CIMAP2: variants seen among roughly 807,000 people sequenced by gnomAD.
CIMAP2 encodes the protein ciliary microtubule-associated protein 2.
At chr1:54,807,857 A>C in the CIMAP2 span, 2 of 1,545,358 alleles carry the variant, frequency 1.3e-6, no homozygotes, top group Non-Finnish European at 1.7e-6. Flanking sequence ...CCCAAGTTTA[A>C]GGCTTTCATT....
At chr1:54,838,937 G>GT in the CIMAP2 span, among the ~76,000 whole-genome samples, 3 of 152,014 alleles carry the variant, frequency 2.0e-5, no homozygotes, top group African/African-American at 4.8e-5. Flanking sequence ...GCAGGGATTG[G>GT]GGGGAGTAGA....
chr1:54,811,768 T>TTCATGCCCCCCCCCCCCCCC, the CIMAP2 span: 2 of 533,354 alleles, frequency 3.7e-6, no homozygotes, highest in South Asian at 2.9e-5. Flanking sequence ...TCTGACAGCC[T>TTCATGCCCCCCCCCCCCCCC]CCATGCCCCC....
chr1:54,811,430 G>A, the CIMAP2 span, among the ~76,000 whole-genome samples: 3 of 152,146 alleles, frequency 2.0e-5, no homozygotes, highest in East Asian at 3.9e-4. Context: ...GGGCATTCCC[G>A]GTGGTGGTTA....
chr1:54,841,983 A>G, the CIMAP2 span: 1 of 1,149,184 alleles, frequency 8.7e-7, no homozygotes, highest in Non-Finnish European at 1.3e-6. Context: ...GAAAGGACAC[A>G]TGGGCTTGGG....
At chr1:54,832,437 A>G in the CIMAP2 span, among the ~76,000 whole-genome samples, 1 of 152,238 alleles carries the variant, frequency 6.6e-6, no homozygotes, top group Non-Finnish European at 1.5e-5. Flanking sequence ...AGAAGTTAAC[A>G]CAAAAGGATA....
At chr1:54,806,203 C>G in the CIMAP2 span, 1 of 1,542,396 alleles carries the variant, frequency 6.5e-7, no homozygotes, top group Non-Finnish European at 8.7e-7. Flanking sequence ...GGGCGCCCTT[C>G]GGGGTGCAGA....
the CIMAP2 span, chr1:54,815,036 C>G: frequency 6.2e-7 from 1 of 1,614,080 alleles, no homozygotes; most frequent in Non-Finnish European, 8.5e-7. Flanking sequence ...TTATGGGAAG[C>G]TGGGTAAGTG....
chr1:54,818,121 C>T, the CIMAP2 span, among the ~76,000 whole-genome samples: 1 of 152,222 alleles, frequency 6.6e-6, no homozygotes, highest in Non-Finnish European at 1.5e-5. Flanking sequence ...ATGTGACCTG[C>T]ATTTCCTTCC....
chr1:54,824,533 T>C, the CIMAP2 span, among the ~76,000 whole-genome samples: 5 of 152,198 alleles, frequency 3.3e-5, no homozygotes, highest in African/African-American at 9.6e-5. Flanking sequence ...TTTTATTCCA[T>C]TGTGGTGTTC....
At chr1:54,821,657 A>T in the CIMAP2 span, among the ~76,000 whole-genome samples, 5 of 151,956 alleles carry the variant, frequency 3.3e-5, no homozygotes, top group African/African-American at 1.2e-4. Flanking sequence ...TTTGGCAGCT[A>T]TTGTAAATGG....
the CIMAP2 span, among the ~76,000 whole-genome samples, chr1:54,810,744 C>T: frequency 2.6e-5 from 4 of 152,216 alleles, no homozygotes; most frequent in South Asian, 2.1e-4. Context: ...TACAAAATCA[C>T]GCTTCTGACC....
the CIMAP2 span, among the ~76,000 whole-genome samples, chr1:54,836,497 A>G: frequency 6.6e-6 from 1 of 151,836 alleles, no homozygotes; most frequent in Admixed American, 6.6e-5. Context: ...CACTCTGAGC[A>G]CAGGGAGAAA....
the CIMAP2 span, among the ~76,000 whole-genome samples, chr1:54,839,540 A>G: frequency 0.75 from 113,473 of 151,602 alleles, 43,694 homozygotes; most frequent in Middle Eastern, 0.85. Flanking sequence ...ACCACGCCCG[A>G]CTAATTTTTG....
chr1:54,811,773 G>GCCCTCC, the CIMAP2 span: 1 of 1,325,052 alleles, frequency 7.5e-7, no homozygotes, highest in Non-Finnish European at 1.0e-6. Flanking sequence ...CAGCCTCCAT[G>GCCCTCC]CCCCCACCCC....
the CIMAP2 span, among the ~76,000 whole-genome samples, chr1:54,835,922 T>C: frequency 6.6e-6 from 1 of 152,116 alleles, no homozygotes; most frequent in Non-Finnish European, 1.5e-5. Context: ...CCAGGAAGGC[T>C]GAGGCATAGT....
chr1:54,817,192 G>A, the CIMAP2 span: 1 of 1,582,600 alleles, frequency 6.3e-7, no homozygotes, highest in Non-Finnish European at 8.6e-7. Flanking sequence ...GTGGGCTGGT[G>A]GTTCCCCATG....
At chr1:54,815,045 T>G in the CIMAP2 span, 1 of 1,613,994 alleles carries the variant, frequency 6.2e-7, no homozygotes, top group Non-Finnish European at 8.5e-7. Flanking sequence ...GCTGGGTAAG[T>G]GGGTCTGGGG....
At chr1:54,814,105 A>T in the CIMAP2 span, 1 of 1,196,842 alleles carries the variant, frequency 8.4e-7, no homozygotes, top group South Asian at 1.9e-5. Context: ...TTGGTTTCCA[A>T]TCCTGGTCTG....
the CIMAP2 span, among the ~76,000 whole-genome samples, chr1:54,836,848 C>G: frequency 6.6e-6 from 1 of 151,872 alleles, no homozygotes; most frequent in Non-Finnish European, 1.5e-5. Flanking sequence ...TATGGAAGAA[C>G]GAAGCCAGGT....
Sources: allele counts gnomAD v4.1 joint callset (sites outside exome capture counted in the v4.1 genomes callset), GRCh38; gene constraint gnomAD v4.1.1; transcripts MANE v1.5; gene names NCBI Gene and HGNC (gene_info 2026-07-23, HGNC 2026-07-21).